The following OXR1 variants were observed in gnomAD, a reference collection of about 807,000 sequenced individuals.
The protein encoded by OXR1 is oxidation resistance 1, also known as oxidation resistance protein 1.
Under a neutral mutation model 104.6 loss-of-function variants are expected in OXR1, and 41 were observed. That is an observed-to-expected ratio of 0.39 (90% CI 0.31 to 0.51). The LOEUF (loss-of-function observed/expected upper bound fraction) is 0.51, where lower values mean the gene tolerates loss of function less well. OXR1 is among the 20% of genes least tolerant of loss of function. The pLI is 0.77. For missense variants in OXR1, 955 were observed against 1,031.9 expected, an observed-to-expected ratio of 0.93 and a Z score of 1.02; for synonymous variants, 348 against 348.4, an observed-to-expected ratio of 1.00 and a Z score of 0.01.
In OXR1 at chr8:106,722,482, A is replaced by G. The variant is rs370175972; in HGVS notation, c.1956+8497A>G. 5.3e-5 allele frequency among the ~76,000 whole-genome samples: 8 copies of G among 152,334 alleles called. No individual in the cohort carries two copies. The East Asian group carries it at 1.4e-3, about 26-fold the overall frequency. On this transcript the variant is annotated intron_variant, in intron 11 of 16. Transcript: ENST00000517566. ...AGGTACTGACTTTCATAATACGGTC[A>G]TGCAGCACATAATGACATTTTGGTT... is the stretch of plus-strand genomic sequence containing the variant.
intron 2 of OXR1, among the ~76,000 whole-genome samples, chr8:106,405,548 C>T (rs1004075032): frequency 3.3e-5 from 5 of 152,108 alleles, no homozygotes; most frequent in African/African-American, 7.2e-5. Context: ...TAACTTTGTG[C>T]AAGTTCAGAG....
intron 9 of OXR1, among the ~76,000 whole-genome samples, chr8:106,708,113 C>T (rs1215748265): frequency 2.0e-5 from 3 of 151,988 alleles, no homozygotes; most frequent in Non-Finnish European, 4.4e-5. Context: ...ATAAGTTGGC[C>T]AGGCATGGTG....
chr8:106,521,385 C>A (rs976149230), intron 3 of OXR1, among the ~76,000 whole-genome samples: 8 of 152,154 alleles, frequency 5.3e-5, no homozygotes, highest in Admixed American at 5.2e-4. Context: ...AGCCATAGAT[C>A]ATTTAAAGAT....
chr8:106,294,412 A>AAAAAG (rs71307051), intron 1 of OXR1, among the ~76,000 whole-genome samples: 28,449 of 128,400 alleles, frequency 0.22, 4,035 homozygotes, highest in East Asian at 0.45. Context: ...AAAAAAAAAA[A>AAAAAG]AAAGAAAGAA....
intron 2 of OXR1, among the ~76,000 whole-genome samples, chr8:106,498,328 C>A (rs1220637916): frequency 6.6e-6 from 1 of 151,884 alleles, no homozygotes; most frequent in East Asian, 1.9e-4. Flanking sequence ...AACATAAATC[C>A]CAAAACCATT....
chr8:106,493,699 G>T (rs1811245870), intron 2 of OXR1, among the ~76,000 whole-genome samples: 1 of 152,080 alleles, frequency 6.6e-6, no homozygotes, highest in African/African-American at 2.4e-5. Context: ...TGTCTTCTGG[G>T]GGCTTAGGAT....
At chr8:106,550,962 A>G (rs1815753493) in intron 3 of OXR1, among the ~76,000 whole-genome samples, 1 of 152,160 alleles carries the variant, frequency 6.6e-6, no homozygotes, top group South Asian at 2.1e-4. Flanking sequence ...CCTTTCTTTT[A>G]TCCTTCAGCT....
chr8:106,580,903 A>G, intron 3 of OXR1: 1 of 803,812 alleles, frequency 1.2e-6, no homozygotes, highest in Non-Finnish European at 1.5e-6. Flanking sequence ...GAAGCTAAAT[A>G]TTTTCCTGAA....
chr8:106,611,492 A>G (rs1260645397), intron 3 of OXR1, among the ~76,000 whole-genome samples: 1 of 152,210 alleles, frequency 6.6e-6, no homozygotes, highest in Non-Finnish European at 1.5e-5. Context: ...TATGGAGGTC[A>G]AGGGTGATCG....
chr8:106,471,359 T>C (rs1056823418), intron 2 of OXR1, among the ~76,000 whole-genome samples: 2 of 151,854 alleles, frequency 1.3e-5, no homozygotes, highest in African/African-American at 4.8e-5. Flanking sequence ...TCATCACTGC[T>C]CAAAAACCTT....
intron 3 of OXR1, among the ~76,000 whole-genome samples, chr8:106,523,779 T>A: frequency 6.7e-6 from 1 of 148,322 alleles, no homozygotes; most frequent in African/African-American, 2.5e-5. Flanking sequence ...GAGTGGAAAT[T>A]TTTTTTTTTT....
intron 1 of OXR1, among the ~76,000 whole-genome samples, chr8:106,283,817 C>G (rs185582489): frequency 5.1e-4 from 77 of 152,236 alleles, no homozygotes; most frequent in Non-Finnish European, 8.4e-4. Context: ...TGACCTAACT[C>G]AGGTCAGTGA....
At chr8:106,429,914 G>A (rs1819290811) in intron 2 of OXR1, among the ~76,000 whole-genome samples, 1 of 151,998 alleles carries the variant, frequency 6.6e-6, no homozygotes, top group Non-Finnish European at 1.5e-5. Flanking sequence ...ACTTATACAT[G>A]CTCAGTGTAA....
At chr8:106,624,879 C>A (rs1415859886) in intron 3 of OXR1, among the ~76,000 whole-genome samples, 1 of 152,062 alleles carries the variant, frequency 6.6e-6, no homozygotes, top group Non-Finnish European at 1.5e-5. Context: ...CAGCCTTGAC[C>A]TCCCTGAGCT....
At chr8:106,615,676 A>C (rs527864409) in intron 3 of OXR1, among the ~76,000 whole-genome samples, 1 of 152,060 alleles carries the variant, frequency 6.6e-6, no homozygotes, top group African/African-American at 2.4e-5. Flanking sequence ...GTTGTTTTCC[A>C]GAAGTCTGCA....
intron 2 of OXR1, among the ~76,000 whole-genome samples, chr8:106,483,828 C>T (rs953685760): frequency 6.6e-6 from 1 of 151,938 alleles, no homozygotes; most frequent in African/African-American, 2.4e-5. Context: ...AACCAACCTC[C>T]CCCAGATAAC....
intron 1 of OXR1, among the ~76,000 whole-genome samples, chr8:106,354,943 A>G (rs1171307291): frequency 1.3e-5 from 2 of 152,046 alleles, no homozygotes; most frequent in Non-Finnish European, 2.9e-5. Context: ...GATTAAAATG[A>G]TTATTTTGGT....
chr8:106,457,715 A>G (rs1221650124), intron 2 of OXR1, among the ~76,000 whole-genome samples: 1 of 152,194 alleles, frequency 6.6e-6, no homozygotes, highest in Non-Finnish European at 1.5e-5. Flanking sequence ...GTAGAAATAT[A>G]GACAGTAAAT....
chr8:106,396,938 T>C (rs1817805101), intron 2 of OXR1, among the ~76,000 whole-genome samples: 1 of 152,150 alleles, frequency 6.6e-6, no homozygotes, highest in Non-Finnish European at 1.5e-5. Context: ...ATGCTGTGTA[T>C]GTATAATGAC....
Sources: gnomAD v4.1 joint callset for allele counts (sites outside exome capture counted in the v4.1 genomes callset) on GRCh38, gnomAD v4.1.1 for gene constraint, MANE v1.5 for transcripts, NCBI Gene and HGNC (gene_info 2026-07-23, HGNC 2026-07-21) for gene names.